SUPT3H: variants seen among roughly 807,000 people sequenced by gnomAD.
SUPT3H encodes SPT3 homolog, SAGA and STAGA complex component.
SUPT3H carries 44 observed loss-of-function variants against 44.3 expected under a neutral mutation model. The observed-to-expected ratio is 0.99, with a 90% confidence interval of 0.78 to 1.28. The LOEUF (loss-of-function observed/expected upper bound fraction) is 1.28. SUPT3H is among the 50% of genes most tolerant of loss of function. The pLI is 0.00. For synonymous variants in SUPT3H, 124 were observed against 125.6 expected (o/e 0.99, Z 0.09); for missense variants, 380 against 387.1 (o/e 0.98, Z 0.15).
At chr6:45,295,270 G>A (rs548487192) in intron 2 of SUPT3H, among the ~76,000 whole-genome samples, 1 of 151,662 alleles carries the variant, frequency 6.6e-6, no homozygotes, top group South Asian at 2.1e-4. Context: ...AATGGTGCTG[G>A]GATACTAGGC....
intron 2 of SUPT3H, among the ~76,000 whole-genome samples, chr6:45,126,537 G>A (rs1263967673): frequency 1.3e-5 from 2 of 152,170 alleles, no homozygotes; most frequent in Non-Finnish European, 2.9e-5. Context: ...TACACACAGT[G>A]CACAGTAACT....
chr6:45,108,791 C>T (rs1413622109), intron 2 of SUPT3H, among the ~76,000 whole-genome samples: 1 of 152,016 alleles, frequency 6.6e-6, no homozygotes, highest in Non-Finnish European at 1.5e-5. Context: ...ACTATTATCA[C>T]CACTTTCAGT....
At chr6:45,289,826 T>C (rs990917339) in intron 2 of SUPT3H, among the ~76,000 whole-genome samples, 16 of 152,200 alleles carry the variant, frequency 1.1e-4, no homozygotes, top group Non-Finnish European at 2.2e-4. Context: ...GTACGTCAGC[T>C]GGTAACACTA....
chr6:45,232,938 G>A (rs2057553), intron 2 of SUPT3H, among the ~76,000 whole-genome samples: 129,058 of 152,034 alleles, frequency 0.85, 55,014 homozygotes, highest in African/African-American at 0.89. Flanking sequence ...AGCGTCTGGA[G>A]TGAGACAAAG....
chr6:45,128,204 G>A (rs906213200), intron 2 of SUPT3H, among the ~76,000 whole-genome samples: 1 of 151,922 alleles, frequency 6.6e-6, no homozygotes, highest in Admixed American at 6.6e-5. Flanking sequence ...AAAGTAAACT[G>A]TCTTAGAAAA....
chr6:44,978,927 T>C (rs1428747389), intron 6 of SUPT3H, among the ~76,000 whole-genome samples: 1 of 152,162 alleles, frequency 6.6e-6, no homozygotes, highest in African/African-American at 2.4e-5. Flanking sequence ...ATCCACACAA[T>C]GAAAATATGT....
chr6:45,178,784 T>C (rs1812526996), intron 2 of SUPT3H, among the ~76,000 whole-genome samples: 1 of 152,034 alleles, frequency 6.6e-6, no homozygotes, highest in African/African-American at 2.4e-5. Flanking sequence ...CTCAAGTACA[T>C]GGAAACTGAA....
At chr6:44,889,928 C>G (rs1582260142) in intron 10 of SUPT3H, among the ~76,000 whole-genome samples, 3 of 151,550 alleles carry the variant, frequency 2.0e-5, no homozygotes, top group Admixed American at 2.0e-4. Context: ...AAAAAACAAA[C>G]AACCCCATCA....
At position 44,827,213 on chromosome 6, in the gene SUPT3H, A is replaced by C. The variant is rs1049351109; in HGVS notation, c.*2603T>G. On this transcript the variant is annotated 3_prime_UTR_variant, in exon 11 of 11. Transcript: ENST00000371459. ...CTTAGAGTTAAGCCTGATGTGTAAGATAACAGACTGTTTACTTAATACCAC... is the reference window on the plus strand; with the variant it reads ...CTTAGAGTTAAGCCTGATGTGTAAGCTAACAGACTGTTTACTTAATACCAC... Among the ~76,000 whole-genome samples the C allele has an allele frequency of 2.0e-5, 3 of 152,188 alleles. No homozygotes were observed. The highest frequency in any genetic ancestry group is 7.2e-5 in the African/African-American group (3 of 41,454).
chr6:44,864,610 C>A (rs973469606), intron 10 of SUPT3H, among the ~76,000 whole-genome samples: 4 of 152,216 alleles, frequency 2.6e-5, no homozygotes, highest in Admixed American at 2.0e-4. Flanking sequence ...TGGCAGCTGC[C>A]AAGGCTTGAG....
At position 44,897,562 on chromosome 6, in the gene SUPT3H, G is replaced by A. The variant is rs927940422; in HGVS notation, c.912+35091C>T. 5.9e-5 allele frequency among the ~76,000 whole-genome samples: 9 copies of A among 152,146 alleles called. No homozygotes were observed. In the South Asian group the frequency reaches 1.9e-3, roughly 31 times the overall value. Reference sequence around the variant, plus strand: ...GTTTTTACTGATAATGTGATGTACTGGAACATCATTTCAAGCAAAATCATA... The same window carrying A: ...GTTTTTACTGATAATGTGATGTACTAGAACATCATTTCAAGCAAAATCATA... On this transcript the variant is annotated intron_variant, in intron 10 of 10. Transcript: ENST00000371459.
In SUPT3H at chr6:45,154,087, A is replaced by AAACAAAAAAAAC. The variant is rs70996303; in HGVS notation, c.102-48082_102-48081insGTTTTTTTTGTT. Among the ~76,000 whole-genome samples the AAACAAAAAAAAC allele has an allele frequency of 7.0e-5, 8 of 114,620 alleles. 1 individual carries two copies. In the South Asian group the frequency reaches 2.0e-3, roughly 29 times the overall value. The allele number at this position is 114,620 out of a possible 152,430, so 75.2% of individuals were successfully genotyped here. On this transcript the variant is annotated intron_variant, in intron 2 of 10. Coordinates refer to ENST00000371459, the MANE Select transcript of SUPT3H (RefSeq NM_003599.4). ...TCTGTCTCAAGAAAAAAAAAAAAAAAAGCGCTTAGTCCTCCTATGTTAGAA... is the reference window on the plus strand; with the variant it reads ...TCTGTCTCAAGAAAAAAAAAAAAAAAAACAAAAAAAACAGCGCTTAGTCCTCCTATGTTAGAA...
intron 6 of SUPT3H, among the ~76,000 whole-genome samples, chr6:44,990,887 AT>A (rs1780517866): frequency 1.7e-5 from 2 of 115,984 alleles, no homozygotes; most frequent in African/African-American, 5.8e-5. Flanking sequence ...TAAACAAGTT[AT>A]TTATTAAAAT....
intron 2 of SUPT3H, among the ~76,000 whole-genome samples, chr6:45,280,747 A>G (rs1777882397): frequency 2.0e-5 from 3 of 152,240 alleles, no homozygotes; most frequent in Admixed American, 6.5e-5. Context: ...GGCTTCACCT[A>G]GAGTGGTAAC....
intron 10 of SUPT3H, among the ~76,000 whole-genome samples, chr6:44,860,600 A>T (rs1251648697): frequency 1.3e-5 from 2 of 152,180 alleles, no homozygotes; most frequent in Admixed American, 6.6e-5. Flanking sequence ...CAGCCATGAC[A>T]TACTATTTAA....
chr6:45,357,977 T>C (rs1003812513), intron 2 of SUPT3H, among the ~76,000 whole-genome samples: 4 of 152,034 alleles, frequency 2.6e-5, no homozygotes, highest in African/African-American at 4.8e-5. Flanking sequence ...TTCTAAAAAA[T>C]GGAACATAAA....
intron 2 of SUPT3H, among the ~76,000 whole-genome samples, chr6:45,177,092 A>G (rs1562617450): frequency 1.3e-5 from 2 of 152,244 alleles, no homozygotes; most frequent in Non-Finnish European, 2.9e-5. Context: ...TAGCTGAGAG[A>G]AGAAGGCTTC....
intron 1 of SUPT3H, among the ~76,000 whole-genome samples, chr6:45,367,238 C>T (rs1361360038): frequency 6.6e-6 from 1 of 152,044 alleles, no homozygotes; most frequent in Admixed American, 6.6e-5. Context: ...ACCACTATAC[C>T]AAGAAGGCAA....
intron 2 of SUPT3H, among the ~76,000 whole-genome samples, chr6:45,291,238 A>G (rs1159228941): frequency 6.6e-6 from 1 of 152,164 alleles, no homozygotes; most frequent in African/African-American, 2.4e-5. Context: ...CATCCATGGG[A>G]AAAGGGGGAG....
Sources: gnomAD v4.1 joint callset for allele counts (sites outside exome capture counted in the v4.1 genomes callset) on GRCh38, gnomAD v4.1.1 for gene constraint, MANE v1.5 for transcripts, NCBI Gene and HGNC (gene_info 2026-07-23, HGNC 2026-07-21) for gene names.